Variants in MAP3K14 observed in about 807,000 individuals in gnomAD.
MAP3K14 encodes mitogen-activated protein kinase kinase kinase 14.
In MAP3K14, 16 loss-of-function variants were observed where a neutral mutation model predicts 99.2. The observed-to-expected ratio is 0.16, with a 90% CI of 0.11 to 0.24. The LOEUF (loss-of-function observed/expected upper bound fraction) is 0.24, where lower values mean the gene tolerates loss of function less well. Ranked by LOEUF, MAP3K14 falls within the 10% of genes least tolerant of loss-of-function variation. The probability of loss-of-function intolerance (pLI) is 1.00; values close to 1 mark genes in which losing one functional copy is unlikely to be tolerated. For synonymous variants in MAP3K14, 462 were observed against 492.4 expected (o/e 0.94, Z 0.82); for missense variants, 784 against 1,208.7 (o/e 0.65, Z 5.21).
At chr17:45,271,304 G>A in intron 9 of MAP3K14, 83 bp from the exon 10 acceptor site, 1 of 1,243,572 alleles carries the variant, frequency 8.0e-7, no homozygotes, top group Non-Finnish European at 1.1e-6. Context: ...TTAATCCTCG[G>A]GGTATCTTAC....
chr17:45,296,814 C>T (rs2044349519), intron 1 of MAP3K14, among the ~76,000 whole-genome samples: 1 of 152,210 alleles, frequency 6.6e-6, no homozygotes, highest in Non-Finnish European at 1.5e-5. Flanking sequence ...GCCTTCCTCC[C>T]TTATCAATGT....
intron 1 of MAP3K14, among the ~76,000 whole-genome samples, chr17:45,301,523 C>A (rs971518291): frequency 2.0e-5 from 3 of 151,636 alleles, no homozygotes; most frequent in African/African-American, 7.3e-5. Flanking sequence ...ACAAAAAAGT[C>A]TAATTACAGG....
At chr17:45,301,874 C>A (rs140494968) in intron 1 of MAP3K14, among the ~76,000 whole-genome samples, 104 of 148,788 alleles carry the variant, frequency 7.0e-4, no homozygotes, top group African/African-American at 2.5e-3. Flanking sequence ...ACTCTGTCAC[C>A]TTGGCTGGAC....
chr17:45,304,608 T>G (rs2044417373), intron 1 of MAP3K14, among the ~76,000 whole-genome samples: 1 of 152,234 alleles, frequency 6.6e-6, no homozygotes, highest in Admixed American at 6.5e-5. Context: ...GTGAAGATGC[T>G]ATCCTTGCTT....
intron 1 of MAP3K14, among the ~76,000 whole-genome samples, chr17:45,307,600 C>T (rs962049568): frequency 3.9e-5 from 6 of 152,150 alleles, no homozygotes; most frequent in African/African-American, 7.2e-5. Context: ...CCCTAGGCTA[C>T]GGTCAATCTC....
chr17:45,301,742 G>T (rs1387766153), intron 1 of MAP3K14, among the ~76,000 whole-genome samples: 2 of 151,988 alleles, frequency 1.3e-5, no homozygotes, highest in African/African-American at 4.8e-5. Context: ...TTCTCTTTTG[G>T]TGGTGGGCTT....
chr17:45,290,829 C>A, intron 1 of MAP3K14, 64 bp from the exon 2 acceptor site: 1 of 1,531,634 alleles, frequency 6.5e-7, no homozygotes, highest in Non-Finnish European at 8.9e-7. Context: ...CACAGGTCAG[C>A]CTTGGGTTGG....
In MAP3K14 at chr17:45,287,049, CG is replaced by C. The variant is rs753437794; in HGVS notation, c.538-5del. 7 of 1,609,158 alleles carry C rather than the reference CG, an allele frequency of 4.4e-6. No homozygotes were observed. Among genetic ancestry groups the C allele is most frequent in the Non-Finnish European group, 6.0e-6 (7 of 1,176,426 alleles). ...CGCCGAGTGGAGACTCATCCTCCTG[CG>C]GGGGGAAACACAGCTATCAGCACAG... is the stretch of plus-strand genomic sequence containing the variant. On this transcript the variant is annotated splice_polypyrimidine_tract_variant and splice_region_variant and intron_variant, in intron 4 of 15. Coordinates refer to ENST00000344686, the MANE Select transcript of MAP3K14 (RefSeq NM_003954.5).
chr17:45,283,634 T>G (rs2044240611), intron 6 of MAP3K14, among the ~76,000 whole-genome samples: 1 of 152,198 alleles, frequency 6.6e-6, no homozygotes, highest in African/African-American at 2.4e-5. Context: ...CTGGCTACAG[T>G]GAGCATTTCC....
chr17:45,312,541 A>G (rs2044489620), intron 1 of MAP3K14, among the ~76,000 whole-genome samples: 1 of 152,210 alleles, frequency 6.6e-6, no homozygotes, highest in South Asian at 2.1e-4. Flanking sequence ...AAAATATAAC[A>G]TGAAACTTTT....
In MAP3K14 at chr17:45,286,831, A is replaced by T. The variant is rs1399976100; in HGVS notation, c.752T>A (p.Leu251Gln). Residue 251 changes from leucine to glutamine, a missense_variant, in exon 5 of 16, where the codon CTG becomes CAG. Leu to Gln is a moderately radical substitution (Grantham distance 113). Around this residue, in one of 5 missense-constraint regions of MAP3K14, gnomAD observed 138 missense variants for 164.1 expected, o/e 0.84. Coordinates refer to ENST00000344686, the MANE Select transcript of MAP3K14 (RefSeq NM_003954.5). This position sits in a 1 kb window ranked among gnomAD's most constrained non-coding sequence, Gnocchi z 4.1. The part of the protein sequence containing the change: ...KLHHPQDGGP[L>Q]PLPTHPFPYS... Reference sequence around the variant, plus strand: ...GGGGAAGGGGTGCGTGGGCAGGGGCAGGGGGCCTCCGTCCTGGGGGTGGTG... The same window carrying T: ...GGGGAAGGGGTGCGTGGGCAGGGGCTGGGGGCCTCCGTCCTGGGGGTGGTG... 2 of 1,609,608 alleles carry T rather than the reference A, an allele frequency of 1.2e-6. No individual in the cohort carries two copies. The highest frequency in any genetic ancestry group is 1.7e-6 in the Non-Finnish European group (2 of 1,176,290).
intron 13 of MAP3K14, 85 bp from the exon 14 acceptor site, chr17:45,266,766 C>A: frequency 7.0e-7 from 1 of 1,432,196 alleles, no homozygotes; most frequent in Admixed American, 2.2e-5. Flanking sequence ...GGAAAAGGGG[C>A]ACTGCTCATG....
chr17:45,299,745 A>G (rs907389479), intron 1 of MAP3K14, among the ~76,000 whole-genome samples: 3 of 152,226 alleles, frequency 2.0e-5, no homozygotes, highest in African/African-American at 7.2e-5. Flanking sequence ...ATTAATCATT[A>G]AAATCTTACA....
Position 45,284,666 on chromosome 17 carries a change from G to A in MAP3K14, c.1290+146C>T, listed in dbSNP as rs1431924958. ...AGGCTGCTCCCTTCCAGTTCCAGCCGACCTCAGGTGGCTAGTGATAGCCAA... is the reference window on the plus strand; with the variant it reads ...AGGCTGCTCCCTTCCAGTTCCAGCCAACCTCAGGTGGCTAGTGATAGCCAA... On this transcript the variant is annotated intron_variant, in intron 6 of 15. Transcript: ENST00000344686. 11 of 1,035,652 alleles carry A rather than the reference G, an allele frequency of 1.1e-5. No homozygotes were observed. In the East Asian group the frequency reaches 1.1e-4, roughly 10 times the overall value. The allele number at this position is 1,035,652 out of a possible 1,614,324, so 64.2% of individuals were successfully genotyped here. A position where few individuals can be genotyped will look rare whatever the true frequency, so the allele number is the denominator to read the frequency against.
chr17:45,300,041 A>T (rs140332251), intron 1 of MAP3K14, among the ~76,000 whole-genome samples: 2 of 152,272 alleles, frequency 1.3e-5, no homozygotes, highest in East Asian at 3.9e-4. Context: ...GTGAGCCGAG[A>T]TCGCGCCACT....
At chr17:45,283,198 G>A (rs2044237329) in intron 6 of MAP3K14, among the ~76,000 whole-genome samples, 2 of 152,172 alleles carry the variant, frequency 1.3e-5, no homozygotes, top group Admixed American at 6.6e-5. Context: ...CTGGGTGCGC[G>A]TCTCTTCACA....
chr17:45,275,859 TC>T (rs1262917290), intron 6 of MAP3K14, among the ~76,000 whole-genome samples: 4 of 151,464 alleles, frequency 2.6e-5, no homozygotes, highest in African/African-American at 7.3e-5. Flanking sequence ...CCTCCCGGGT[TC>T]AAGCAATTCT....
chr17:45,277,144 C>CT (rs920459283), intron 6 of MAP3K14, among the ~76,000 whole-genome samples: 19 of 151,970 alleles, frequency 1.3e-4, no homozygotes, highest in East Asian at 1.9e-4. Context: ...GCTTCTTCTT[C>CT]TTTTTTTTAA....
Position 45,264,626 on chromosome 17 carries a change from G to C in MAP3K14, c.*10C>G. 1 of 1,566,268 alleles carries C rather than the reference G, an allele frequency of 6.4e-7. No individual in the cohort carries two copies. Among genetic ancestry groups the C allele is most frequent in the Non-Finnish European group, 8.6e-7 (1 of 1,156,282 alleles). ...TTCCGGCAGTGTGGAGCCGGCGGTG[G>C]AGGGCAGGGTTAGGGCCTGTTCTCC... On this transcript the variant is annotated 3_prime_UTR_variant, in exon 16 of 16. Transcript: ENST00000344686.
Sources: gnomAD v4.1 joint callset for allele counts (sites outside exome capture counted in the v4.1 genomes callset) on GRCh38, gnomAD v4.1.1 for gene constraint, gnomAD v4.1.1 regional missense constraint, Gnocchi (gnomAD v3.1) non-coding constraint, MANE v1.5 for transcripts, NCBI Gene and HGNC (gene_info 2026-07-23, HGNC 2026-07-21) for gene names.